SPANXN4: variants seen among roughly 807,000 people sequenced by gnomAD.
SPANXN4 encodes SPANX family member N4.
SPANXN4 carries 5 observed loss-of-function variants against 6.0 expected under a neutral mutation model. The ratio of observed to expected loss-of-function variants is 0.83; its 90% CI spans 0.44 to 1.75. The LOEUF (loss-of-function observed/expected upper bound fraction) is 1.75. Among genes scored for constraint, SPANXN4 ranks in the 40% most tolerant of loss-of-function variants. SPANXN4 has a pLI of 0.02. For missense variants in SPANXN4, 157 were observed against 108.6 expected (o/e 1.45, Z -1.98); for synonymous variants, 45 against 38.0 (o/e 1.19, Z -0.68).
exon 3 of SPANXN4, chrX:143,034,565 A>G (rs1165147298): frequency 1.2e-5 from 14 of 1,164,831 alleles, no homozygotes; most frequent in Non-Finnish European, 1.6e-5. Flanking sequence ...AGAAGAGCAC[A>G]TAAGAAGATC....
chrX:143,035,999 G>A (rs771376693), downstream of SPANXN4, among the ~76,000 whole-genome samples: 1 of 103,361 alleles, frequency 9.7e-6, no homozygotes, highest in Non-Finnish European at 2.0e-5. Flanking sequence ...GTCCACATAC[G>A]AGATCAGGTA....
downstream of SPANXN4, among the ~76,000 whole-genome samples, chrX:143,036,069 G>A (rs1366906270): frequency 1.9e-5 from 2 of 106,425 alleles, no homozygotes; most frequent in African/African-American, 3.4e-5. Flanking sequence ...GTCCATCCAT[G>A]TTCTGGAAAA....
intron 1 of SPANXN4, among the ~76,000 whole-genome samples, chrX:143,033,773 T>C (rs1439349294): frequency 9.0e-6 from 1 of 111,481 alleles, no homozygotes; most frequent in Admixed American, 9.5e-5. Context: ...CCATGGAATG[T>C]TTCACTTTGA....
intron 1 of SPANXN4, chrX:143,034,022 CAGA>C: frequency 0.036 from 41,774 of 1,160,992 alleles, 563 homozygotes; most frequent in Middle Eastern, 0.046. Context: ...GTTTTTTTAC[CAGA>C]AGAAGAAGAA....
intron 2 of SPANXN4, chrX:143,034,305 G>A: frequency 9.2e-7 from 1 of 1,082,589 alleles, no homozygotes. Context: ...TCAGTTTGAG[G>A]AGCTGATGAC....
chrX:143,027,909 T>C (rs1164181556), intron 1 of SPANXN4, among the ~76,000 whole-genome samples: 4 of 111,033 alleles, frequency 3.6e-5, no homozygotes, highest in Non-Finnish European at 7.6e-5. Flanking sequence ...TCATACCTCC[T>C]GCATTACTGT....
At chrX:143,027,723 T>C (rs1483818316) in intron 1 of SPANXN4, among the ~76,000 whole-genome samples, 2 of 110,184 alleles carry the variant, frequency 1.8e-5, no homozygotes, top group Non-Finnish European at 3.8e-5. Flanking sequence ...AATTTAACAG[T>C]TGGAAGAAAG....
At chrX:143,028,699 G>A (rs1932791660) in intron 1 of SPANXN4, among the ~76,000 whole-genome samples, 1 of 110,909 alleles carries the variant, frequency 9.0e-6, no homozygotes, top group African/African-American at 3.3e-5. Context: ...ACTATTAGCA[G>A]AAGGTATAGG....
At chrX:143,034,453 C>G (rs952417303) in intron 2 of SPANXN4, 142 bp downstream of exon 2, 7 of 1,106,510 alleles carry the variant, frequency 6.3e-6, no homozygotes, top group Non-Finnish European at 8.3e-6. Flanking sequence ...TAAATAAAGA[C>G]TGGGGGAGGA....
chrX:143,028,428 C>T (rs768544584), intron 1 of SPANXN4, among the ~76,000 whole-genome samples: 5 of 110,790 alleles, frequency 4.5e-5, no homozygotes, highest in Non-Finnish European at 9.4e-5. Flanking sequence ...CCGTTTTAAC[C>T]TCTAGGGAGT....
intron 1 of SPANXN4, among the ~76,000 whole-genome samples, chrX:143,032,354 G>A (rs1932815122): frequency 9.0e-6 from 1 of 110,843 alleles, no homozygotes; most frequent in Non-Finnish European, 1.9e-5. Context: ...TTCAGCACTA[G>A]GGGGGTGGGT....
intron 1 of SPANXN4, among the ~76,000 whole-genome samples, chrX:143,030,624 T>C (rs1932804880): frequency 9.1e-6 from 1 of 110,224 alleles, no homozygotes; most frequent in Non-Finnish European, 1.9e-5. Context: ...GGAAGCCAGA[T>C]TTAAGGGAAT....
At chrX:143,034,246 G>A (rs1236572161) in intron 2 of SPANXN4, 1 of 1,159,522 alleles carries the variant, frequency 8.6e-7, no homozygotes, top group Non-Finnish European at 1.2e-6. Context: ...GGCAGAATTA[G>A]TCCAAATTGG....
chrX:143,033,551 G>A (rs1028609465), intron 1 of SPANXN4, among the ~76,000 whole-genome samples: 2 of 111,648 alleles, frequency 1.8e-5, no homozygotes, highest in African/African-American at 6.5e-5. Flanking sequence ...AGGTATTGGT[G>A]GGAGGCAGCT....
chrX:143,030,114 G>T (rs1249134010), intron 1 of SPANXN4, among the ~76,000 whole-genome samples: 1 of 109,284 alleles, frequency 9.2e-6, no homozygotes, highest in African/African-American at 3.3e-5. Context: ...TTTTAAGATG[G>T]GCCCATGTGA....
intron 1 of SPANXN4, among the ~76,000 whole-genome samples, chrX:143,029,317 G>A (rs186755509): frequency 9.0e-6 from 1 of 111,730 alleles, no homozygotes; most frequent in East Asian, 2.8e-4. Flanking sequence ...AGGTGTGAGA[G>A]TGTAGGATGT....
At chrX:143,034,497 T>G (rs762430341) in intron 2 of SPANXN4, 186 bp downstream of exon 2, 361 of 1,124,657 alleles carry the variant, frequency 3.2e-4, no homozygotes, top group Middle Eastern at 6.9e-4. Context: ...TTCTTAAAAT[T>G]TTATCTCACA....
chrX:143,034,165 A>G (rs1436039891), exon 2 of SPANXN4: 1 of 1,181,655 alleles, frequency 8.5e-7, no homozygotes, highest in Non-Finnish European at 1.1e-6. Context: ...ACCAGCCTAC[A>G]GAGAGCTCCA....
chrX:143,034,749 C>A, downstream of SPANXN4: 1 of 1,076,367 alleles, frequency 9.3e-7, no homozygotes, highest in Admixed American at 3.7e-5. Flanking sequence ...GACAGCATGC[C>A]ACACACAATA....
Sources: gnomAD v4.1 joint callset for allele counts (sites outside exome capture counted in the v4.1 genomes callset) on GRCh38, gnomAD v4.1.1 for gene constraint, MANE v1.5 for transcripts, NCBI Gene and HGNC (gene_info 2026-07-23, HGNC 2026-07-21) for gene names.